Variants in NAV2 observed in about 807,000 individuals in gnomAD.
The protein encoded by NAV2 is helicase, APC down-regulated 1.
In NAV2, 54 loss-of-function variants were observed where a neutral mutation model predicts 223.2. The ratio of observed to expected loss-of-function variants is 0.24; its 90% CI spans 0.19 to 0.30. The LOEUF is 0.30. Ranked by LOEUF, NAV2 falls within the 10% of genes least tolerant of loss-of-function variation. The pLI, the probability that NAV2 is intolerant of heterozygous loss-of-function variation, is 1.00. For missense variants in NAV2, 2,806 were observed against 3,147.5 expected (o/e 0.89, Z 2.60); for synonymous variants, 1,279 against 1,239.3 (o/e 1.03, Z -0.67).
intron 1 of NAV2, among the ~76,000 whole-genome samples, chr11:19,625,744 AC>A (rs1264281020): frequency 6.6e-6 from 1 of 152,066 alleles, no homozygotes; most frequent in Non-Finnish European, 1.5e-5. Context: ...GGCCATCCTA[AC>A]TGGGGTGAGA....
chr11:19,487,667 C>G (rs2042488811), intron 1 of NAV2, among the ~76,000 whole-genome samples: 2 of 152,124 alleles, frequency 1.3e-5, no homozygotes, highest in African/African-American at 4.8e-5. Context: ...AACTAAGACC[C>G]TTAGTGCAAC....
rs1427913124 is a variant in NAV2 at position 20,055,875 on chromosome 11, C to T, written c.4749C>T (p.Arg1583=). The T allele has an allele frequency of 6.2e-7, 1 of 1,614,224 alleles. No homozygotes were observed. Among genetic ancestry groups the T allele is most frequent in the South Asian group, 1.1e-5 (1 of 91,080 alleles). The change falls in exon 19 of 38, where the codon CGC becomes CGT. Residue 1583 remains arginine, a synonymous_variant. Transcript: ENST00000349880. ...DGQYDPYTDS[R]FRNSSMSLDE... is the part of the protein sequence containing the mutation. ...AGTATGATCCATACACTGACAGCCG[C>T]TTCCGGAATAGCTCCATGTCCCTGG...
chr11:20,049,765 A>G (rs563978290), intron 15 of NAV2, 71 bp from the exon 16 acceptor site: 47 of 1,446,182 alleles, frequency 3.2e-5, no homozygotes, highest in Admixed American at 2.3e-4. Flanking sequence ...AAAAAAATGT[A>G]TATAACAACA....
At chr11:19,917,169 G>A (rs954685351) in intron 6 of NAV2, among the ~76,000 whole-genome samples, 1 of 152,156 alleles carries the variant, frequency 6.6e-6, no homozygotes, top group East Asian at 1.9e-4. Flanking sequence ...TATGGAACCT[G>A]CCTCAGGATT....
At chr11:19,934,633 T>TC (rs112423169) in intron 7 of NAV2, among the ~76,000 whole-genome samples, 9 of 152,112 alleles carry the variant, frequency 5.9e-5, no homozygotes, top group African/African-American at 1.9e-4. Context: ...CACCCGACAG[T>TC]CCCCAGCATT....
chr11:19,721,781 A>T (rs921157826), intron 1 of NAV2, among the ~76,000 whole-genome samples: 1 of 152,222 alleles, frequency 6.6e-6, no homozygotes, highest in African/African-American at 2.4e-5. Flanking sequence ...TATTGGGGTT[A>T]TGTAAGGAAA....
chr11:19,396,290 G>A (rs1849444671), intron 1 of NAV2, among the ~76,000 whole-genome samples: 1 of 152,096 alleles, frequency 6.6e-6, no homozygotes, highest in African/African-American at 2.4e-5. Context: ...TATTATCCAA[G>A]ATCGCATGGT....
intron 11 of NAV2, among the ~76,000 whole-genome samples, chr11:19,991,779 C>T (rs2051362469): frequency 6.6e-6 from 1 of 151,984 alleles, no homozygotes; most frequent in Admixed American, 6.6e-5. Flanking sequence ...CTTGTCCTTG[C>T]TTTTCCCTCC....
chr11:19,946,655 T>A (rs80209886), intron 9 of NAV2, 146 bp downstream of exon 9: 35,981 of 717,600 alleles, frequency 0.05, 1,173 homozygotes, highest in Middle Eastern at 0.072. Context: ...GAATGCCATA[T>A]GACATGCAGA....
chr11:19,916,978 C>A (rs1047768448), intron 6 of NAV2, among the ~76,000 whole-genome samples: 2 of 152,134 alleles, frequency 1.3e-5, no homozygotes, highest in African/African-American at 4.8e-5. Context: ...GGTTATGGAA[C>A]TGGGGGTACT....
intron 1 of NAV2, among the ~76,000 whole-genome samples, chr11:19,636,692 G>A (rs531672828): frequency 1.3e-5 from 2 of 152,058 alleles, no homozygotes; most frequent in South Asian, 4.2e-4. Flanking sequence ...GGATGGTCTT[G>A]ATCTCCTGAC....
At chr11:20,070,784 G>A (rs1319602993) in intron 22 of NAV2, among the ~76,000 whole-genome samples, 1 of 152,026 alleles carries the variant, frequency 6.6e-6, no homozygotes, top group Non-Finnish European at 1.5e-5. Context: ...TCTGAACCAG[G>A]CTTGGAACAG....
rs116241979 is a variant in NAV2 at position 19,736,659 on chromosome 11, G to A, written c.267+22697G>A. Among the ~76,000 whole-genome samples, 118 of 152,324 alleles carry A rather than the reference G, an allele frequency of 7.7e-4. 1 individual carries two copies. Among genetic ancestry groups the A allele is most frequent in the African/African-American group, 2.8e-3 (115 of 41,578 alleles). The stretch of plus-strand genomic sequence containing the variant: ...TGTGAGAGGGAGGGGAATTTGGCCA[G>A]TGTCATCCACCTCATAAAAGGCAAA... On this transcript the variant is annotated intron_variant, in intron 1 of 37. Coordinates refer to ENST00000349880, the MANE Select transcript of NAV2 (RefSeq NM_145117.5).
chr11:19,445,067 A>T (rs1308019777), intron 1 of NAV2, among the ~76,000 whole-genome samples: 1 of 152,154 alleles, frequency 6.6e-6, no homozygotes, highest in Non-Finnish European at 1.5e-5. Context: ...ATTATTTATC[A>T]ATGGAGAATC....
intron 1 of NAV2, among the ~76,000 whole-genome samples, chr11:19,414,966 AG>A (rs1200715109): frequency 1.2e-4 from 19 of 152,356 alleles, no homozygotes; most frequent in African/African-American, 4.6e-4. Context: ...GGAAATTTAT[AG>A]TACTAAATGC....
intron 1 of NAV2, among the ~76,000 whole-genome samples, chr11:19,812,991 C>T (rs979449036): frequency 6.6e-6 from 1 of 152,118 alleles, no homozygotes; most frequent in South Asian, 2.1e-4. Flanking sequence ...GAAGCCTATA[C>T]TCATTCCCTT....
chr11:19,442,989 C>A (rs774851461), intron 1 of NAV2, among the ~76,000 whole-genome samples: 1 of 152,186 alleles, frequency 6.6e-6, no homozygotes, highest in Admixed American at 6.5e-5. Flanking sequence ...CCCCTACCTA[C>A]CCATCAAGGT....
intron 1 of NAV2, among the ~76,000 whole-genome samples, chr11:19,805,375 A>T (rs2058499763): frequency 6.6e-6 from 1 of 152,090 alleles, no homozygotes; most frequent in African/African-American, 2.4e-5. Context: ...CCTACTCTCC[A>T]GCCTCACGTC....
At chr11:19,494,013 G>A (rs2042715614) in intron 1 of NAV2, among the ~76,000 whole-genome samples, 1 of 152,218 alleles carries the variant, frequency 6.6e-6, no homozygotes, top group African/African-American at 2.4e-5. Context: ...GGAGATGACT[G>A]ACACTGGCCT....
Sources: allele counts gnomAD v4.1 joint callset (sites outside exome capture counted in the v4.1 genomes callset), GRCh38; gene constraint gnomAD v4.1.1; transcripts MANE v1.5; gene names NCBI Gene and HGNC (gene_info 2026-07-23, HGNC 2026-07-21).